The following PDGFC variants were observed in gnomAD, a reference collection of about 807,000 sequenced individuals.
The protein encoded by PDGFC is platelet derived growth factor C, also known as platelet-derived growth factor C.
A neutral mutation model predicts 35.5 loss-of-function variants in PDGFC; 12 were observed. The observed-to-expected ratio is 0.34, with a 90% CI of 0.22 to 0.55. The LOEUF (loss-of-function observed/expected upper bound fraction) is 0.55, where lower values mean the gene tolerates loss of function less well. PDGFC is among the 20% of genes least tolerant of loss of function. The pLI is 0.91. For missense variants in PDGFC, 322 were observed against 412.4 expected, an observed-to-expected ratio of 0.78 and a Z score of 1.90; for synonymous variants, 159 against 148.8, an observed-to-expected ratio of 1.07 and a Z score of -0.50.
chr4:156,763,028 C>T lies in PDGFC; in HGVS notation c.*62G>A. 1 of 830,392 alleles carries T rather than the reference C, an allele frequency of 1.2e-6. No homozygotes were observed. Among genetic ancestry groups the T allele is most frequent in the Non-Finnish European group, 2.1e-6 (1 of 469,382 alleles). The allele number at this position is 830,392 out of a possible 1,614,324, so 51.4% of individuals were successfully genotyped here. ...TAAGGATGGAGATAACGCATACGTT[C>T]TCTAATAGAATCAGCCACTGCACTG... On this transcript the variant is annotated 3_prime_UTR_variant, in exon 6 of 6. Transcript: ENST00000502773.
intron 1 of PDGFC, among the ~76,000 whole-genome samples, chr4:156,904,118 T>A (rs571458374): frequency 6.6e-6 from 1 of 151,928 alleles, no homozygotes; most frequent in Non-Finnish European, 1.5e-5. Flanking sequence ...TACAGAAAAA[T>A]TGGATTAAGT....
chr4:156,911,674 C>T (rs1285513478), intron 1 of PDGFC, among the ~76,000 whole-genome samples: 1 of 152,068 alleles, frequency 6.6e-6, no homozygotes, highest in Non-Finnish European at 1.5e-5. Context: ...ATAACTTGGT[C>T]AACTGACAGA....
At chr4:156,921,062 T>C (rs1579100618) in intron 1 of PDGFC, among the ~76,000 whole-genome samples, 1 of 152,264 alleles carries the variant, frequency 6.6e-6, no homozygotes, top group East Asian at 1.9e-4. Flanking sequence ...AGACAACCAA[T>C]AAGACAGTCT....
At chr4:156,830,821 A>G (rs1728914358) in intron 2 of PDGFC, among the ~76,000 whole-genome samples, 1 of 152,198 alleles carries the variant, frequency 6.6e-6, no homozygotes, top group African/African-American at 2.4e-5. Flanking sequence ...TACCAATACT[A>G]TAACTTTCTC....
intron 1 of PDGFC, among the ~76,000 whole-genome samples, chr4:156,896,500 T>TC (rs1270377836): frequency 3.3e-5 from 5 of 152,304 alleles, no homozygotes; most frequent in African/African-American, 1.2e-4. Context: ...CAAGGATTCC[T>TC]CCAGCCCTGT....
intron 1 of PDGFC, among the ~76,000 whole-genome samples, chr4:156,901,896 G>T (rs559399654): frequency 1.3e-5 from 2 of 152,282 alleles, no homozygotes; most frequent in South Asian, 4.1e-4. Flanking sequence ...ATAGGCATGA[G>T]CCACGGAGCC....
intron 1 of PDGFC, among the ~76,000 whole-genome samples, chr4:156,900,666 C>G (rs1287677922): frequency 6.6e-6 from 1 of 151,998 alleles, no homozygotes; most frequent in Non-Finnish European, 1.5e-5. Flanking sequence ...CATGGCAAAA[C>G]ATCATCTCTA....
chr4:156,769,552 T>TA (rs1442702943), intron 4 of PDGFC, among the ~76,000 whole-genome samples: 1 of 151,970 alleles, frequency 6.6e-6, no homozygotes, highest in African/African-American at 2.4e-5. Context: ...CTTATTCAGC[T>TA]AAAAAATTAT....
intron 3 of PDGFC, among the ~76,000 whole-genome samples, chr4:156,787,041 T>C (rs1463753966): frequency 6.6e-6 from 1 of 152,168 alleles, no homozygotes; most frequent in Non-Finnish European, 1.5e-5. Context: ...GCTAGATACA[T>C]AAATTTGAGA....
At chr4:156,899,543 G>T (rs1030421044) in intron 1 of PDGFC, among the ~76,000 whole-genome samples, 9 of 152,110 alleles carry the variant, frequency 5.9e-5, no homozygotes, top group African/African-American at 2.2e-4. Flanking sequence ...GCTTGGGTGT[G>T]GTGGCTCACA....
chr4:156,954,705 CA>C (rs1732165841), intron 1 of PDGFC, among the ~76,000 whole-genome samples: 1 of 151,942 alleles, frequency 6.6e-6, no homozygotes, highest in South Asian at 2.1e-4. Flanking sequence ...TTTGTGCATT[CA>C]TTTTACTCAG....
intron 3 of PDGFC, among the ~76,000 whole-genome samples, chr4:156,783,704 T>C (rs1731041663): frequency 6.6e-6 from 1 of 152,142 alleles, no homozygotes; most frequent in Admixed American, 6.5e-5. Context: ...TGCCTCGAAG[T>C]TCTTTCATGG....
intron 5 of PDGFC, among the ~76,000 whole-genome samples, chr4:156,766,919 T>G (rs940795361): frequency 2.0e-5 from 3 of 152,154 alleles, no homozygotes; most frequent in African/African-American, 7.2e-5. Flanking sequence ...TGAAAAATCA[T>G]TTTATTTATT....
intron 1 of PDGFC, among the ~76,000 whole-genome samples, chr4:156,900,665 A>G (rs1311973271): frequency 6.6e-6 from 1 of 152,044 alleles, no homozygotes; most frequent in Non-Finnish European, 1.5e-5. Context: ...ACATGGCAAA[A>G]CATCATCTCT....
At chr4:156,864,830 A>G (rs1729797590) in intron 1 of PDGFC, among the ~76,000 whole-genome samples, 1 of 152,192 alleles carries the variant, frequency 6.6e-6, no homozygotes, top group Non-Finnish European at 1.5e-5. Context: ...TGCTCCAATT[A>G]TAAAACTAGC....
At chr4:156,796,525 T>C (rs1194610776) in intron 3 of PDGFC, among the ~76,000 whole-genome samples, 4 of 140,344 alleles carry the variant, frequency 2.9e-5, no homozygotes, top group African/African-American at 7.9e-5. Flanking sequence ...TTACAAAAGG[T>C]GTCAATTTAC....
At chr4:156,838,626 G>A (rs1340707268) in intron 2 of PDGFC, among the ~76,000 whole-genome samples, 1 of 152,188 alleles carries the variant, frequency 6.6e-6, no homozygotes, top group African/African-American at 2.4e-5. Flanking sequence ...AATACCAAAA[G>A]AGATTTGATG....
chr4:156,828,066 G>A (rs1728830977), intron 2 of PDGFC, among the ~76,000 whole-genome samples: 1 of 152,180 alleles, frequency 6.6e-6, no homozygotes, highest in South Asian at 2.1e-4. Flanking sequence ...CGCCGGAAAT[G>A]TTATATAATA....
At position 156,964,388 on chromosome 4, in the gene PDGFC, C is replaced by CTA. The variant is rs141220599; in HGVS notation, c.118+6396_118+6397dup. 7.4e-3 allele frequency among the ~76,000 whole-genome samples: 1,085 copies of CTA among 146,048 alleles called. 3 individuals carry two copies. Among genetic ancestry groups the CTA allele is most frequent in the Middle Eastern group, 0.018 (5 of 280 alleles). ...ATGCCTACAGAAACAGAAGTTATCACTATATATATATATAGTGATATATAT... is the reference window on the plus strand; with the variant it reads ...ATGCCTACAGAAACAGAAGTTATCACTATATATATATATATAGTGATATATAT... On this transcript the variant is annotated intron_variant, in intron 1 of 5. Transcript: ENST00000502773.
Sources: gnomAD v4.1 joint callset for allele counts (sites outside exome capture counted in the v4.1 genomes callset) on GRCh38, gnomAD v4.1.1 for gene constraint, MANE v1.5 for transcripts, NCBI Gene and HGNC (gene_info 2026-07-23, HGNC 2026-07-21) for gene names.